The following ATP9A variants were observed in gnomAD, a reference collection of about 807,000 sequenced individuals.
ATP9A encodes the protein ATPase phospholipid transporting 9A, also known as probable phospholipid-transporting ATPase IIA.
Under a neutral mutation model 144.1 loss-of-function variants are expected in ATP9A, and 52 were observed. The ratio of observed to expected loss-of-function variants is 0.36; its 90% confidence interval spans 0.29 to 0.45. ATP9A has a LOEUF of 0.45. ATP9A is among the 20% of genes least tolerant of loss of function. The pLI, the probability that ATP9A is intolerant of heterozygous loss-of-function variation, is 1.00. For missense variants in ATP9A, 947 were observed against 1,392.7 expected, an observed-to-expected ratio of 0.68 and a Z score of 5.09; for synonymous variants, 582 against 557.4, an observed-to-expected ratio of 1.04 and a Z score of -0.62.
intron 14 of ATP9A, among the ~76,000 whole-genome samples, chr20:51,645,518 CAAACAAACAA>C (rs1250001682): frequency 6.9e-6 from 1 of 145,170 alleles, no homozygotes; most frequent in Non-Finnish European, 1.5e-5. Flanking sequence ...AACAAACAAA[CAAACAAACAA>C]AAACAAACAA....
At chr20:51,646,124 C>A (rs573272033) in intron 14 of ATP9A, among the ~76,000 whole-genome samples, 1 of 152,186 alleles carries the variant, frequency 6.6e-6, no homozygotes, top group Non-Finnish European at 1.5e-5. Flanking sequence ...AGGGGCAGAG[C>A]CCACACCTTT....
chr20:51,760,725 C>CAA (rs397864467), intron 1 of ATP9A, among the ~76,000 whole-genome samples: 3,973 of 105,306 alleles, frequency 0.038, 106 homozygotes, highest in Non-Finnish European at 0.048. Flanking sequence ...GACTCCGTCT[C>CAA]AAAAAAAAAA....
chr20:51,684,942 C>T (rs545109719), intron 9 of ATP9A, among the ~76,000 whole-genome samples: 2 of 149,624 alleles, frequency 1.3e-5, no homozygotes, highest in Non-Finnish European at 3.0e-5. Context: ...ACCCAGGAGG[C>T]GGAGCTTGCA....
chr20:51,669,551 A>G (rs1374352325), intron 13 of ATP9A, among the ~76,000 whole-genome samples: 1 of 152,206 alleles, frequency 6.6e-6, no homozygotes, highest in African/African-American at 2.4e-5. Context: ...TAGCCAGGGA[A>G]AGGGAAAACA....
intron 1 of ATP9A, among the ~76,000 whole-genome samples, chr20:51,730,197 G>A (rs552713067): frequency 3.9e-5 from 6 of 152,132 alleles, no homozygotes; most frequent in South Asian, 2.1e-4. Flanking sequence ...GGCCAGGCGC[G>A]GTGGCTCACA....
intron 22 of ATP9A, among the ~76,000 whole-genome samples, chr20:51,614,801 A>C (rs1044198272): frequency 9.9e-5 from 15 of 152,190 alleles, no homozygotes; most frequent in African/African-American, 3.6e-4. Context: ...AATGCTTCAA[A>C]AATGTCACTG....
intron 3 of ATP9A, among the ~76,000 whole-genome samples, chr20:51,724,810 C>T (rs973981753): frequency 6.6e-6 from 1 of 152,214 alleles, no homozygotes; most frequent in Non-Finnish European, 1.5e-5. Flanking sequence ...ACATCGCATG[C>T]ACAAAAGCAT....
chr20:51,599,259 T>G lies in ATP9A; in HGVS notation c.*1952A>C, dbSNP rs1406318165. On this transcript the variant is annotated 3_prime_UTR_variant, in exon 28 of 28. Transcript: ENST00000338821. ...GACTTCCCAGCGTTACAGAGCCAGG[T>G]TCAGCATCTGCAAAGTCTAAATGGG... 1 of 152,182 alleles carries G rather than the reference T, an allele frequency of 6.6e-6. No individual in the cohort carries two copies. The highest frequency in any genetic ancestry group is 1.9e-4 in the East Asian group (1 of 5,196). 9.4% of individuals were successfully genotyped at this position (152,182 alleles called of 1,614,324 possible). A position where few individuals can be genotyped will look rare whatever the true frequency, so the allele number is the denominator to read the frequency against.
chr20:51,690,823 T>A lies in ATP9A; in HGVS notation c.643-4A>T, dbSNP rs185194072. On this transcript the variant is annotated splice_region_variant and splice_polypyrimidine_tract_variant and intron_variant, in intron 7 of 27. Coordinates refer to ENST00000338821, the MANE Select transcript of ATP9A (RefSeq NM_006045.3). ...ACGATCGAATCTGAAGAAGGTCCTG[T>A]TCAACAGAAGGCACATTCGGGAGTC... 1.9e-6 allele frequency: 3 copies of A among 1,613,810 alleles called. No individual in the cohort carries two copies. The Admixed American group carries it at 5.0e-5, about 27-fold the overall frequency.
intron 1 of ATP9A, among the ~76,000 whole-genome samples, chr20:51,743,684 T>C (rs1326459643): frequency 1.4e-5 from 2 of 143,594 alleles, no homozygotes; most frequent in East Asian, 2.3e-4. Context: ...ATTATAGGCA[T>C]GAGCCACCGT....
At chr20:51,689,503 A>C (rs945594360) in intron 8 of ATP9A, among the ~76,000 whole-genome samples, 3 of 151,902 alleles carry the variant, frequency 2.0e-5, no homozygotes, top group Non-Finnish European at 4.4e-5. Context: ...ACAATGTAAT[A>C]TGGGTTCTAG....
intron 10 of ATP9A, among the ~76,000 whole-genome samples, chr20:51,674,905 T>C (rs2077470759): frequency 4.6e-5 from 7 of 152,094 alleles, no homozygotes. Flanking sequence ...TCACACCTCC[T>C]GGGTTCAAGC....
chr20:51,608,344 G>A (rs2122708876), intron 25 of ATP9A, among the ~76,000 whole-genome samples, 174 bp downstream of exon 25: 1 of 152,246 alleles, frequency 6.6e-6, no homozygotes, highest in South Asian at 2.1e-4. Context: ...AAGAAAAAAT[G>A]TAAACTCCCA....
intron 1 of ATP9A, among the ~76,000 whole-genome samples, chr20:51,746,930 C>T (rs570130786): frequency 6.7e-6 from 1 of 148,596 alleles, no homozygotes; most frequent in East Asian, 2.0e-4. Flanking sequence ...GGCTTGAACC[C>T]AGGAGGCGGA....
rs201331514 is a variant in ATP9A, at chr20:51,610,660, GCTCTGT to G, written c.2572-501_2572-496del. Reference sequence around the variant, plus strand: ...GGACTCAAGCCCAGCTGTGGCCACAGCTCTGTGGCCACACTTCTAAACAGCTCGGAA... The same window carrying G: ...GGACTCAAGCCCAGCTGTGGCCACAGGGCCACACTTCTAAACAGCTCGGAA... On this transcript the variant is annotated intron_variant, in intron 23 of 27. Coordinates refer to ENST00000338821, the MANE Select transcript of ATP9A (RefSeq NM_006045.3). Among the ~76,000 whole-genome samples the G allele has an allele frequency of 7.9e-3, 1,207 of 152,136 alleles. 17 individuals are homozygous for G. The highest frequency in any genetic ancestry group is 0.028 in the African/African-American group (1,148 of 41,488).
In ATP9A at chr20:51,607,435, CG is replaced by C; in HGVS notation, c.2803+91del. On this transcript the variant is annotated intron_variant, in intron 26 of 27. Coordinates refer to ENST00000338821, the MANE Select transcript of ATP9A (RefSeq NM_006045.3). Reference sequence around the variant, plus strand: ...ACCCTCCTTCCTGCTATTTCAGATTCGTTTCTTCTCTTCTTGTTCTACAGGC... The same window carrying C: ...ACCCTCCTTCCTGCTATTTCAGATTCTTTCTTCTCTTCTTGTTCTACAGGC... 20 of 1,190,248 alleles carry C rather than the reference CG, an allele frequency of 1.7e-5. 1 individual carries two copies. In the Admixed American group the frequency reaches 4.1e-4, roughly 24 times the overall value. The allele number at this position is 1,190,248 out of a possible 1,614,324, so 73.7% of individuals were successfully genotyped here.
At chr20:51,714,915 A>T (rs538636525) in intron 3 of ATP9A, among the ~76,000 whole-genome samples, 20 of 152,340 alleles carry the variant, frequency 1.3e-4, no homozygotes, top group Non-Finnish European at 2.2e-4. Context: ...GGGTGGAGGG[A>T]GTCACCCATA....
intron 4 of ATP9A, among the ~76,000 whole-genome samples, chr20:51,704,657 G>C (rs1057077587): frequency 6.6e-6 from 1 of 152,158 alleles, no homozygotes; most frequent in South Asian, 2.1e-4. Flanking sequence ...GCACATGCCT[G>C]TAATCCCAGC....
chr20:51,709,304 C>G (rs948360376), intron 4 of ATP9A, among the ~76,000 whole-genome samples: 3 of 152,120 alleles, frequency 2.0e-5, no homozygotes, highest in Non-Finnish European at 4.4e-5. Flanking sequence ...TGCCTGAGGT[C>G]AGGAGTTCAA....
Sources: allele counts gnomAD v4.1 joint callset (sites outside exome capture counted in the v4.1 genomes callset), GRCh38; gene constraint gnomAD v4.1.1; transcripts MANE v1.5; gene names NCBI Gene and HGNC (gene_info 2026-07-23, HGNC 2026-07-21).